The following PPIL1 variants were observed in gnomAD, a reference collection of about 807,000 sequenced individuals.
PPIL1 encodes the protein peptidylprolyl isomerase like 1.
PPIL1 carries 14 observed loss-of-function variants against 19.4 expected under a neutral mutation model. The observed-to-expected ratio is 0.72, with a 90% CI of 0.48 to 1.13. PPIL1 has a LOEUF of 1.13. Among genes scored for constraint, PPIL1 ranks in the 50% most tolerant of loss-of-function variants. The pLI is 0.00. For synonymous variants in PPIL1, 72 were observed against 73.6 expected, an observed-to-expected ratio of 0.98 and a Z score of 0.11; for missense variants, 192 against 218.0, an observed-to-expected ratio of 0.88 and a Z score of 0.75.
intron 1 of PPIL1, among the ~76,000 whole-genome samples, chr6:36,872,134 C>T (rs1774523463): frequency 6.6e-6 from 1 of 151,936 alleles, no homozygotes; most frequent in South Asian, 2.1e-4. Context: ...AATTCTAATA[C>T]TATACATATA....
chr6:36,857,930 G>A (rs71569352), intron 2 of PPIL1, among the ~76,000 whole-genome samples: 11,117 of 152,144 alleles, frequency 0.073, 418 homozygotes, highest in South Asian at 0.1. Context: ...TGCTCTAAGA[G>A]CAAAAGGATG....
intron 2 of PPIL1, among the ~76,000 whole-genome samples, chr6:36,861,407 G>T (rs1774285567): frequency 6.6e-6 from 1 of 152,114 alleles, no homozygotes; most frequent in African/African-American, 2.4e-5. Context: ...TCATCCCTTG[G>T]TATACTCAGG....
chr6:36,860,877 C>T (rs772424239), intron 2 of PPIL1, among the ~76,000 whole-genome samples: 1 of 150,986 alleles, frequency 6.6e-6, no homozygotes, highest in Non-Finnish European at 1.5e-5. Flanking sequence ...TTTAAGCTTA[C>T]ATAAGTGGTA....
intron 2 of PPIL1, among the ~76,000 whole-genome samples, chr6:36,864,076 T>C (rs1026207248): frequency 2.6e-5 from 4 of 151,984 alleles, no homozygotes; most frequent in Non-Finnish European, 5.9e-5. Flanking sequence ...ACAGCTGCTA[T>C]CACCCTAGTT....
At chr6:36,873,458 G>GA (rs1391078380) in intron 1 of PPIL1, among the ~76,000 whole-genome samples, 2 of 151,884 alleles carry the variant, frequency 1.3e-5, no homozygotes, top group Admixed American at 1.3e-4. Context: ...CCATTTTTTT[G>GA]TTAAAAAAAC....
chr6:36,861,823 A>T (rs923337838), intron 2 of PPIL1, among the ~76,000 whole-genome samples: 1 of 151,396 alleles, frequency 6.6e-6, no homozygotes, highest in African/African-American at 2.4e-5. Flanking sequence ...CAGCCTCCCG[A>T]GTAGCTGGGA....
chr6:36,871,353 C>A (rs1224718803), intron 2 of PPIL1, among the ~76,000 whole-genome samples: 1 of 152,070 alleles, frequency 6.6e-6, no homozygotes, highest in East Asian at 1.9e-4. Flanking sequence ...ATAAAAGAAC[C>A]CAGGATTTTA....
At chr6:36,874,318 G>A (rs1024192319) in intron 1 of PPIL1, among the ~76,000 whole-genome samples, 3 of 152,158 alleles carry the variant, frequency 2.0e-5, no homozygotes, top group Non-Finnish European at 4.4e-5. Flanking sequence ...TACTTATCAC[G>A]TAATGTTTAC....
chr6:36,863,512 TTC>T (rs1382957652), intron 2 of PPIL1, among the ~76,000 whole-genome samples: 2 of 152,200 alleles, frequency 1.3e-5, no homozygotes, highest in African/African-American at 2.4e-5. Flanking sequence ...AGACCAATTT[TTC>T]TCTTTCTAAT....
At chr6:36,859,811 T>TTTTGTGTGTGTGTGTGTGTGTG (rs112797928) in intron 2 of PPIL1, among the ~76,000 whole-genome samples, 2 of 144,886 alleles carry the variant, frequency 1.4e-5, no homozygotes, top group Admixed American at 6.8e-5. Context: ...CTGTTTTCTA[T>TTTTGTGTGTGTGTGTGTGTGTG]TGTGTGTGTG....
At chr6:36,859,891 C>A (rs758510149) in intron 2 of PPIL1, among the ~76,000 whole-genome samples, 8 of 149,594 alleles carry the variant, frequency 5.3e-5, no homozygotes, top group Non-Finnish European at 8.9e-5. Flanking sequence ...TGCAGTGGTG[C>A]GATCTCGGCT....
At chr6:36,864,845 A>T (rs1407887323) in intron 2 of PPIL1, among the ~76,000 whole-genome samples, 1 of 152,128 alleles carries the variant, frequency 6.6e-6, no homozygotes, top group Non-Finnish European at 1.5e-5. Flanking sequence ...TATATTATGT[A>T]CTTTTTCATT....
chr6:36,856,108 A>G, intron 3 of PPIL1, 75 bp from the exon 4 acceptor site: 1 of 1,476,620 alleles, frequency 6.8e-7, no homozygotes, highest in Non-Finnish European at 9.2e-7. Flanking sequence ...GCCCCATCCT[A>G]GGGATGAAAA....
At chr6:36,861,384 T>G (rs548122546) in intron 2 of PPIL1, among the ~76,000 whole-genome samples, 1 of 152,180 alleles carries the variant, frequency 6.6e-6, no homozygotes, top group African/African-American at 2.4e-5. Flanking sequence ...CATTTTGGAA[T>G]TGATACATAC....
At chr6:36,861,645 G>A (rs1178641274) in intron 2 of PPIL1, among the ~76,000 whole-genome samples, 1 of 147,742 alleles carries the variant, frequency 6.8e-6, no homozygotes, top group Non-Finnish European at 1.5e-5. Flanking sequence ...AACCTTTGCA[G>A]TTAACATTTC....
intron 2 of PPIL1, among the ~76,000 whole-genome samples, chr6:36,861,043 G>A (rs1403931201): frequency 6.6e-6 from 1 of 151,618 alleles, no homozygotes; most frequent in African/African-American, 2.4e-5. Flanking sequence ...GGTTATTATC[G>A]ACCATGCTAT....
chr6:36,874,329 A>C (rs1774588328), intron 1 of PPIL1, among the ~76,000 whole-genome samples: 1 of 152,212 alleles, frequency 6.6e-6, no homozygotes, highest in African/African-American at 2.4e-5. Flanking sequence ...TAATGTTTAC[A>C]TGTCTGTCTC....
At chr6:36,860,274 TA>T (rs2150655576) in intron 2 of PPIL1, among the ~76,000 whole-genome samples, 1 of 152,070 alleles carries the variant, frequency 6.6e-6, no homozygotes, top group African/African-American at 2.4e-5. Context: ...GAGACCAGCC[TA>T]AGCAACATGG....
intron 2 of PPIL1, 79 bp from the exon 3 acceptor site, chr6:36,856,733 A>C: frequency 7.5e-7 from 1 of 1,340,088 alleles, no homozygotes; most frequent in South Asian, 1.2e-5. Flanking sequence ...CCAGGGTCAA[A>C]GGATTTCTCA....
Sources: gnomAD v4.1 joint callset for allele counts (sites outside exome capture counted in the v4.1 genomes callset) on GRCh38, gnomAD v4.1.1 for gene constraint, MANE v1.5 for transcripts, NCBI Gene and HGNC (gene_info 2026-07-23, HGNC 2026-07-21) for gene names.